The following NOTCH2 variants were observed in gnomAD, a reference collection of about 807,000 sequenced individuals.
The protein encoded by NOTCH2 is neurogenic locus notch homolog protein 2.
In NOTCH2, 29 loss-of-function variants were observed where a neutral mutation model predicts 235.8. The observed-to-expected ratio is 0.12, with a 90% confidence interval of 0.09 to 0.17. The LOEUF (loss-of-function observed/expected upper bound fraction) is 0.17. Ranked by LOEUF, NOTCH2 falls within the 10% of genes least tolerant of loss-of-function variation. The pLI is 1.00. For missense variants in NOTCH2, 2,285 were observed against 3,150.2 expected (o/e 0.73, Z 6.57); for synonymous variants, 1,086 against 1,141.5 (o/e 0.95, Z 0.98).
At chr1:119,922,507 T>C in intron 27 of NOTCH2, 61 bp from the exon 28 acceptor site, 3 of 1,588,602 alleles carry the variant, frequency 1.9e-6, no homozygotes, top group Non-Finnish European at 2.6e-6. Context: ...AATGTCAGCA[T>C]TAGATTCATT....
Position 119,967,805 on chromosome 1 carries a change from CAT to C in NOTCH2, c.1265-186_1265-185del, listed in dbSNP as rs587724228. 2.0e-4 allele frequency among the ~76,000 whole-genome samples: 30 copies of C among 152,250 alleles called. No individual in the cohort carries two copies. The South Asian group carries it at 6.0e-3, about 31-fold the overall frequency. On this transcript the variant is annotated intron_variant, in intron 7 of 33. Coordinates refer to ENST00000256646, the MANE Select transcript of NOTCH2 (RefSeq NM_024408.4). ...AAGCGGAGTATCCTCAACTGTTATG[CAT>C]TTCTGCTATTGCAGTTTCTGCCCAA...
chr1:120,004,670 GGGA>G (rs1652891823), intron 3 of NOTCH2, among the ~76,000 whole-genome samples: 1 of 152,106 alleles, frequency 6.6e-6, no homozygotes, highest in Non-Finnish European at 1.5e-5. Context: ...TGTCTAGGGA[GGGA>G]GATTTCTAAA....
intron 11 of NOTCH2, among the ~76,000 whole-genome samples, chr1:119,961,841 C>T (rs1034119770): frequency 6.6e-6 from 1 of 152,116 alleles, no homozygotes; most frequent in African/African-American, 2.4e-5. Context: ...CATCCACTCC[C>T]CTATCCAAAC....
At chr1:119,994,487 T>A (rs1448498938) in intron 4 of NOTCH2, 2 of 135,418 alleles carry the variant, frequency 1.5e-5, no homozygotes, top group East Asian at 4.0e-4. Flanking sequence ...AGAACTAGTC[T>A]ATGTAACTAC....
chr1:120,014,356 A>T (rs1323558034), intron 2 of NOTCH2, among the ~76,000 whole-genome samples: 2 of 152,402 alleles, frequency 1.3e-5, no homozygotes, highest in East Asian at 3.8e-4. Flanking sequence ...CTAGAGCAGA[A>T]GTTCGAGACC....
intron 4 of NOTCH2, chr1:119,994,529 TACACACACACACAC>T (rs36007595): frequency 3.8e-4 from 42 of 111,878 alleles, no homozygotes; most frequent in African/African-American, 1.5e-3. Flanking sequence ...CATATATATA[TACACACACACACAC>T]ACACACACAC....
At chr1:119,982,415 T>C (rs1445078656) in intron 5 of NOTCH2, among the ~76,000 whole-genome samples, 1 of 150,980 alleles carries the variant, frequency 6.6e-6, no homozygotes, top group Non-Finnish European at 1.5e-5. Flanking sequence ...AATTTGTGAG[T>C]TGAGCTTAGG....
Position 119,917,232 on chromosome 1 carries a change from G to A in NOTCH2, c.6027+433C>T, listed in dbSNP as rs587601053. Among the ~76,000 whole-genome samples the A allele has an allele frequency of 2.0e-5, 3 of 151,874 alleles. No individual in the cohort carries two copies. The East Asian group carries it at 5.8e-4, about 29-fold the overall frequency. The stretch of plus-strand genomic sequence containing the variant: ...ATAAGGAAAACAAAGAAAACTGAGA[G>A]AAGATGAATGAGAGAAGGAAGCAGG... On this transcript the variant is annotated intron_variant, in intron 33 of 33. Transcript: ENST00000256646.
chr1:119,974,840 A>T (rs1651507702), intron 5 of NOTCH2, among the ~76,000 whole-genome samples: 1 of 152,070 alleles, frequency 6.6e-6, no homozygotes, highest in Admixed American at 6.5e-5. Context: ...TTTCATATTT[A>T]TTTACTCTTT....
rs587747605 is a variant in NOTCH2, at chr1:120,030,202, G to A, written c.74-215C>T. Among the ~76,000 whole-genome samples the A allele has an allele frequency of 7.7e-3, 1,174 of 152,166 alleles. 11 individuals are homozygous for A. Among genetic ancestry groups the A allele is most frequent in the Non-Finnish European group, 0.012 (811 of 67,998 alleles). ...AACCACGTTTGTGGTCTTGAATGAT[G>A]CTCTTATTTCTCTGTGTTTTAGTAT... On this transcript the variant is annotated intron_variant, in intron 1 of 33. Transcript: ENST00000256646.
In NOTCH2 at chr1:119,953,705, C is replaced by A; in HGVS notation, c.2220-17G>T. The A allele has an allele frequency of 6.2e-7, 1 of 1,612,894 alleles. No homozygotes were observed. Among genetic ancestry groups the A allele is most frequent in the Non-Finnish European group, 8.5e-7 (1 of 1,178,914 alleles). ...CACTTATATCTGAAAGAAGACAAAA[C>A]TTTTTACTATAGGAGGTATAAACGT... On this transcript the variant is annotated splice_polypyrimidine_tract_variant and intron_variant, in intron 13 of 33. Transcript: ENST00000256646.
At position 119,923,989 on chromosome 1, in the gene NOTCH2, G is replaced by A. The variant is rs1649376321; in HGVS notation, c.4512-5C>T. 6.2e-7 allele frequency: 1 copy of A among 1,609,962 alleles called. No individual in the cohort carries two copies. Among genetic ancestry groups the A allele is most frequent in the Admixed American group, 1.7e-5 (1 of 59,976 alleles). On this transcript the variant is annotated splice_region_variant and splice_polypyrimidine_tract_variant and intron_variant, in intron 25 of 33. Transcript: ENST00000256646. Reference sequence around the variant, plus strand: ...TCTGCACAGTATTTGTCATACCTAGGTAAGGGGAAGCAGAGAACAGGCAAA... The same window carrying A: ...TCTGCACAGTATTTGTCATACCTAGATAAGGGGAAGCAGAGAACAGGCAAA...
intron 7 of NOTCH2, 115 bp from the exon 8 acceptor site, chr1:119,967,736 T>G: frequency 1.1e-6 from 1 of 879,348 alleles, no homozygotes; most frequent in Non-Finnish European, 1.8e-6. Context: ...AATAATATCA[T>G]TCCCAATTTT....
intron 31 of NOTCH2, 116 bp downstream of exon 31, chr1:119,919,196 G>C: frequency 8.7e-7 from 1 of 1,150,536 alleles, no homozygotes; most frequent in Non-Finnish European, 1.3e-6. Flanking sequence ...TCTAATACCT[G>C]CCCTAATCTC....
At chr1:120,010,892 C>G (rs1553206856) in intron 2 of NOTCH2, among the ~76,000 whole-genome samples, 1 of 151,916 alleles carries the variant, frequency 6.6e-6, no homozygotes, top group African/African-American at 2.4e-5. Flanking sequence ...AGCTGATGAA[C>G]AGATAAATAA....
chr1:119,916,491 A>T lies in NOTCH2; in HGVS notation c.6231T>A (p.Thr2077=), dbSNP rs767574095. 1 of 1,612,580 alleles carries T rather than the reference A, an allele frequency of 6.2e-7. No homozygotes were observed. The highest frequency in any genetic ancestry group is 1.3e-5 in the African/African-American group (1 of 75,004). ...VTPSPPGTVL[T]SALSPVICGP... is the part of the protein sequence containing the mutation. ...CACAGATGACAGGTGAGAGAGCAGA[A>T]GTCAACACGGTGCCTGGAGGGCTTG... is the stretch of plus-strand genomic sequence containing the variant. Residue 2077 remains threonine, a synonymous_variant, in exon 34 of 34, where the codon ACT becomes ACA. Coordinates refer to ENST00000256646, the MANE Select transcript of NOTCH2 (RefSeq NM_024408.4).
At chr1:119,935,238 A>C (rs1393306622) in intron 22 of NOTCH2, 3 of 1,420,674 alleles carry the variant, frequency 2.1e-6, no homozygotes, top group Non-Finnish European at 2.8e-6. Flanking sequence ...TCTGTGTTTC[A>C]TGGAATATCA....
At chr1:119,967,883 T>A (rs1651205706) in intron 7 of NOTCH2, among the ~76,000 whole-genome samples, 194 bp downstream of exon 7, 1 of 152,258 alleles carries the variant, frequency 6.6e-6, no homozygotes, top group Non-Finnish European at 1.5e-5. Context: ...ATACGTTTCA[T>A]ACAGTTAATC....
At chr1:119,996,414 A>G (rs368635887) in intron 4 of NOTCH2, 15,550 of 523,092 alleles carry the variant, frequency 0.03, no homozygotes, top group African/African-American at 0.13. Context: ...TCCCCTCCTC[A>G]GTTTCAGAAT....
Sources: allele counts gnomAD v4.1 joint callset (sites outside exome capture counted in the v4.1 genomes callset), GRCh38; gene constraint gnomAD v4.1.1; transcripts MANE v1.5; gene names NCBI Gene and HGNC (gene_info 2026-07-23, HGNC 2026-07-21).